NRXN1: variants seen among roughly 807,000 people sequenced by gnomAD.
The protein encoded by NRXN1 is neurexin 1, also known as neurexin-1.
NRXN1 carries 39 observed loss-of-function variants against 150.9 expected under a neutral mutation model. The observed-to-expected ratio is 0.26, with a 90% confidence interval of 0.20 to 0.34. The LOEUF is 0.34. Ranked by LOEUF, NRXN1 falls within the 10% of genes least tolerant of loss-of-function variation. The pLI, the probability that NRXN1 is intolerant of heterozygous loss-of-function variation, is 1.00. For synonymous variants in NRXN1, 924 were observed against 757.0 expected (o/e 1.22, Z -3.62); for missense variants, 1,815 against 1,949.9 (o/e 0.93, Z 1.30).
chr2:50,411,228 G>C (rs1044427534), intron 17 of NRXN1, among the ~76,000 whole-genome samples: 1 of 152,152 alleles, frequency 6.6e-6, no homozygotes, highest in African/African-American at 2.4e-5. Flanking sequence ...GGGTTTCGCC[G>C]TGTTGGCCGG....
At chr2:51,030,912 G>T (rs751158491) in intron 1 of NRXN1, among the ~76,000 whole-genome samples, 1 of 151,658 alleles carries the variant, frequency 6.6e-6, no homozygotes, top group Non-Finnish European at 1.5e-5. Flanking sequence ...AACTCTGTTG[G>T]AGCCAATTAT....
chr2:50,551,038 GGAAGAGGAAGAGGAAGAA>G (rs1443645662), intron 9 of NRXN1, among the ~76,000 whole-genome samples: 2 of 85,526 alleles, frequency 2.3e-5, no homozygotes, highest in African/African-American at 6.5e-5. Context: ...AAGAGGAAGA[GGAAGAGGAAGAGGAAGAA>G]GAAGAAGAAG....
At chr2:50,426,000 C>G (rs1001969023) in intron 17 of NRXN1, among the ~76,000 whole-genome samples, 1 of 152,180 alleles carries the variant, frequency 6.6e-6, no homozygotes, top group Non-Finnish European at 1.5e-5. Context: ...ATCAGTGATA[C>G]TTGTTACAGA....
chr2:51,023,284 G>T (rs954662401), intron 2 of NRXN1, among the ~76,000 whole-genome samples: 39 of 152,052 alleles, frequency 2.6e-4, no homozygotes, highest in African/African-American at 9.2e-4. Context: ...TACACTCTTT[G>T]CATTACTATT....
At chr2:50,396,569 G>T (rs2082063649) in intron 17 of NRXN1, among the ~76,000 whole-genome samples, 2 of 152,098 alleles carry the variant, frequency 1.3e-5, no homozygotes, top group African/African-American at 4.8e-5. Context: ...ATGAGGAATT[G>T]TGGTCAAAAA....
intron 21 of NRXN1, among the ~76,000 whole-genome samples, chr2:49,975,974 T>C (rs1678892294): frequency 6.6e-6 from 1 of 151,792 alleles, no homozygotes; most frequent in South Asian, 2.1e-4. Context: ...ACTTACATAA[T>C]ACATGCATGT....
At chr2:50,064,024 C>A (rs1403425809) in intron 19 of NRXN1, among the ~76,000 whole-genome samples, 2 of 152,036 alleles carry the variant, frequency 1.3e-5, no homozygotes, top group Non-Finnish European at 2.9e-5. Context: ...TATATATAGT[C>A]ACAAACACCA....
intron 18 of NRXN1, chr2:50,185,415 T>C (rs987649209): frequency 1.3e-5 from 2 of 152,016 alleles, no homozygotes; most frequent in African/African-American, 4.8e-5. Flanking sequence ...AGAGAAAATA[T>C]GATGTAGTCA....
At position 50,977,752 on chromosome 2, in the gene NRXN1, T is replaced by C. The variant is rs143119351; in HGVS notation, c.772+49750A>G. The stretch of plus-strand genomic sequence containing the variant: ...AAAAACCAAAGGCAGTATGCATTTA[T>C]AATGCTTCCTTAACTCACATCACTT... On this transcript the variant is annotated intron_variant, in intron 2 of 22. Coordinates refer to ENST00000401669, the MANE Select transcript of NRXN1 (RefSeq NM_001330078.2). Among the ~76,000 whole-genome samples the C allele has an allele frequency of 3.4e-3, 521 of 152,002 alleles. 2 individuals carry two copies. Among genetic ancestry groups the C allele is most frequent in the African/African-American group, 0.011 (475 of 41,560 alleles).
At chr2:50,887,715 T>G (rs1322286860) in intron 5 of NRXN1, among the ~76,000 whole-genome samples, 1 of 151,480 alleles carries the variant, frequency 6.6e-6, no homozygotes, top group African/African-American at 2.4e-5. Flanking sequence ...ATTTATTTAA[T>G]TTTTCTATCG....
At chr2:50,223,401 C>T (rs1275634531) in intron 18 of NRXN1, among the ~76,000 whole-genome samples, 1 of 151,916 alleles carries the variant, frequency 6.6e-6, no homozygotes, top group East Asian at 1.9e-4. Context: ...AATCAAATAA[C>T]CATCGGTCTT....
chr2:50,108,059 C>A (rs1701910235), intron 18 of NRXN1, among the ~76,000 whole-genome samples: 1 of 151,920 alleles, frequency 6.6e-6, no homozygotes. Context: ...GTGTTCTTAA[C>A]CACTACTGTT....
chr2:50,329,305 G>A (rs182176503), intron 17 of NRXN1, among the ~76,000 whole-genome samples: 90 of 152,060 alleles, frequency 5.9e-4, no homozygotes, highest in African/African-American at 2.1e-3. Context: ...ATGTGAAGAT[G>A]TTCAAACGCA....
chr2:50,494,807 C>G (rs866124579), intron 15 of NRXN1, among the ~76,000 whole-genome samples: 1 of 151,852 alleles, frequency 6.6e-6, no homozygotes, highest in South Asian at 2.1e-4. Context: ...CTGAGGCAGG[C>G]GGATCACCTG....
At position 49,920,955 on chromosome 2, in the gene NRXN1, T is replaced by C. The variant is rs201882994; in HGVS notation, c.*989A>G. 6.1e-5 allele frequency: 8 copies of C among 130,900 alleles called. No homozygotes were observed. The highest frequency in any genetic ancestry group is 1.3e-4 in the Non-Finnish European group (8 of 60,480). 8.1% of individuals were successfully genotyped at this position (130,900 alleles called of 1,614,324 possible). ...CTTCCTTAGAATAAACACTACACTGTAATTTCTTTAAAAAATAAAAGTAAT... is the reference window on the plus strand; with the variant it reads ...CTTCCTTAGAATAAACACTACACTGCAATTTCTTTAAAAAATAAAAGTAAT... On this transcript the variant is annotated 3_prime_UTR_variant, in exon 23 of 23. Coordinates refer to ENST00000401669, the MANE Select transcript of NRXN1 (RefSeq NM_001330078.2).
intron 21 of NRXN1, among the ~76,000 whole-genome samples, chr2:50,001,228 T>C (rs6706484): frequency 0.84 from 128,014 of 152,082 alleles, 53,972 homozygotes; most frequent in Middle Eastern, 0.9. Flanking sequence ...GTAATCTTTA[T>C]CTCACAGAGA....
At chr2:50,826,920 A>G (rs1452717787) in intron 5 of NRXN1, among the ~76,000 whole-genome samples, 1 of 152,214 alleles carries the variant, frequency 6.6e-6, no homozygotes, top group Non-Finnish European at 1.5e-5. Flanking sequence ...AATCACCTTC[A>G]GAAAGATTAC....
chr2:49,974,280 G>A (rs1170403657), intron 21 of NRXN1: 2 of 569,052 alleles, frequency 3.5e-6, no homozygotes, highest in Non-Finnish European at 6.7e-6. Flanking sequence ...AGTTCCGTCT[G>A]CAGTTGACGA....
intron 22 of NRXN1, among the ~76,000 whole-genome samples, chr2:49,930,470 A>G (rs1351460010): frequency 2.0e-5 from 3 of 152,226 alleles, no homozygotes; most frequent in Non-Finnish European, 4.4e-5. Context: ...AGAGATCTCA[A>G]TGCTGGTGAG....
Sources: gnomAD v4.1 joint callset for allele counts (sites outside exome capture counted in the v4.1 genomes callset) on GRCh38, gnomAD v4.1.1 for gene constraint, MANE v1.5 for transcripts, NCBI Gene and HGNC (gene_info 2026-07-23, HGNC 2026-07-21) for gene names.